The following KIAA0232 variants were observed in gnomAD, a reference collection of about 807,000 sequenced individuals.
The protein encoded by KIAA0232 is KIAA0232.
Under a neutral mutation model 122.0 loss-of-function variants are expected in KIAA0232, and 27 were observed. That is an observed-to-expected ratio of 0.22 (90% confidence interval 0.16 to 0.31). KIAA0232 has a LOEUF of 0.31. Among genes scored for constraint, KIAA0232 ranks in the 10% least tolerant of loss-of-function variants. KIAA0232 has a pLI of 1.00. For missense variants in KIAA0232, 1,551 were observed against 1,634.2 expected (o/e 0.95, Z 0.88); for synonymous variants, 613 against 587.6 (o/e 1.04, Z -0.63).
chr4:6,861,289 CAG>C lies in KIAA0232; in HGVS notation c.908_909del (p.Gln303ArgfsTer11), dbSNP rs1720843962. ...SEAGSSSSGNQGELKASMKYV... is the reference protein window; with the variant it reads ...SEAGSSSSGNXGELKASMKYV... ...AGCAGGCTCAAGTTCCAGTGGGAAT[CAG>C]GGAGAATTAAAAGCATCCATGAAGT... is the stretch of plus-strand genomic sequence containing the variant. On this transcript the variant is annotated frameshift_variant, in exon 7 of 10. Coordinates refer to ENST00000307659, the MANE Select transcript of KIAA0232 (RefSeq NM_014743.3). LOFTEE classifies it high-confidence loss of function. 1 of 1,614,124 alleles carries C rather than the reference CAG, an allele frequency of 6.2e-7. No homozygotes were observed. Among genetic ancestry groups the C allele is most frequent in the Non-Finnish European group, 8.5e-7 (1 of 1,180,028 alleles).
At chr4:6,864,951 T>C (rs1403828394) in intron 7 of KIAA0232, among the ~76,000 whole-genome samples, 1 of 152,144 alleles carries the variant, frequency 6.6e-6, no homozygotes. Context: ...CAAAAATACA[T>C]TGTGGTACAT....
At chr4:6,838,339 C>T (rs1241207988) in intron 3 of KIAA0232, among the ~76,000 whole-genome samples, 8 of 152,092 alleles carry the variant, frequency 5.3e-5, no homozygotes, top group African/African-American at 1.9e-4. Context: ...CAGGTGGACA[C>T]CACCATGCCC....
At chr4:6,825,572 CGAGAGAGA>C (rs111362007) in intron 3 of KIAA0232, among the ~76,000 whole-genome samples, 2 of 147,186 alleles carry the variant, frequency 1.4e-5, no homozygotes, top group East Asian at 2.0e-4. Flanking sequence ...CACGCATACA[CGAGAGAGA>C]GAGAGAGAGA....
chr4:6,876,096 G>A (rs1721734266), intron 8 of KIAA0232, among the ~76,000 whole-genome samples: 1 of 152,134 alleles, frequency 6.6e-6, no homozygotes, highest in East Asian at 1.9e-4. Flanking sequence ...GGGGCCATTT[G>A]CCTGATGGAA....
At chr4:6,868,032 G>A (rs1721277003) in intron 7 of KIAA0232, among the ~76,000 whole-genome samples, 1 of 152,086 alleles carries the variant, frequency 6.6e-6, no homozygotes, top group African/African-American at 2.4e-5. Context: ...GCTTTTCCTG[G>A]TGTGACCCAA....
chr4:6,866,297 C>T (rs564298891), intron 7 of KIAA0232: 2 of 938,770 alleles, frequency 2.1e-6, no homozygotes, highest in South Asian at 4.9e-5. Flanking sequence ...ATCAGAATTC[C>T]GGGTTTCCTT....
chr4:6,836,326 TTTTTG>T (rs998020723), intron 3 of KIAA0232, among the ~76,000 whole-genome samples: 2 of 151,670 alleles, frequency 1.3e-5, no homozygotes, highest in African/African-American at 4.8e-5. Context: ...GTTTGTTTGT[TTTTTG>T]TTTTGTTTTT....
chr4:6,784,061 C>G (rs1458990145), intron 1 of KIAA0232, among the ~76,000 whole-genome samples: 1 of 151,944 alleles, frequency 6.6e-6, no homozygotes, highest in Non-Finnish European at 1.5e-5. Context: ...GCCACCTTTC[C>G]GTTTTTGTCC....
chr4:6,808,255 TC>T (rs1717724596), intron 2 of KIAA0232, among the ~76,000 whole-genome samples: 1 of 151,882 alleles, frequency 6.6e-6, no homozygotes, highest in African/African-American at 2.4e-5. Context: ...CTATATTCTT[TC>T]TTTTACTTTA....
chr4:6,803,204 CATATATATAT>C (rs34234535), intron 1 of KIAA0232, among the ~76,000 whole-genome samples: 13 of 141,568 alleles, frequency 9.2e-5, no homozygotes, highest in African/African-American at 3.4e-4. Flanking sequence ...AAAATGAGTG[CATATATATAT>C]ATATATATAT....
intron 3 of KIAA0232, among the ~76,000 whole-genome samples, chr4:6,826,475 A>T (rs114125427): frequency 6.6e-6 from 1 of 150,722 alleles, no homozygotes; most frequent in Non-Finnish European, 1.5e-5. Context: ...TATGTACTTT[A>T]TTGTAAGCAT....
At position 6,861,937 on chromosome 4, in the gene KIAA0232, T is replaced by C. The variant is rs1227375896; in HGVS notation, c.1555T>C (p.Leu519=). ...FYEVDIDQSM[L]DPGASETMQG... is the part of the protein sequence containing the mutation. ...TGAAGTGGATATTGATCAATCCATGTTGGATCCTGGTGCCTCAGAAACAAT... is the reference window on the plus strand; with the variant it reads ...TGAAGTGGATATTGATCAATCCATGCTGGATCCTGGTGCCTCAGAAACAAT... The change falls in exon 7 of 10, where the codon TTG becomes CTG. Residue 519 remains leucine (L), a synonymous_variant. Coordinates refer to ENST00000307659, the MANE Select transcript of KIAA0232 (RefSeq NM_014743.3). The C allele has an allele frequency of 1.9e-6, 3 of 1,613,948 alleles. No homozygotes were observed. The highest frequency in any genetic ancestry group is 2.2e-5 in the East Asian group (1 of 44,896).
intron 4 of KIAA0232, among the ~76,000 whole-genome samples, chr4:6,848,249 C>T (rs1039992615): frequency 6.6e-6 from 1 of 152,142 alleles, no homozygotes; most frequent in African/African-American, 2.4e-5. Flanking sequence ...TTTGTATATG[C>T]ATTATTTATA....
chr4:6,818,399 CAAAA>C (rs34255308), intron 2 of KIAA0232, among the ~76,000 whole-genome samples: 3 of 81,924 alleles, frequency 3.7e-5, no homozygotes, highest in African/African-American at 5.6e-5. Flanking sequence ...GACTCCGTCT[CAAAA>C]AAAAAAAAAA....
rs1044488808 is a variant in KIAA0232 at position 6,881,738 on chromosome 4, T to C, written c.*772T>C. 1 of 152,648 alleles carries C rather than the reference T, an allele frequency of 6.6e-6. No individual in the cohort carries two copies. Among genetic ancestry groups the C allele is most frequent in the Non-Finnish European group, 1.5e-5 (1 of 68,042 alleles). The allele number at this position is 152,648 out of a possible 1,614,324, so 9.5% of individuals were successfully genotyped here. On this transcript the variant is annotated 3_prime_UTR_variant, in exon 10 of 10. Coordinates refer to ENST00000307659, the MANE Select transcript of KIAA0232 (RefSeq NM_014743.3). ...CAGTTACATTTACACCAAAACCCCATGCAGGGTTCTTTGTGGTGAGTGTTC... is the reference window on the plus strand; with the variant it reads ...CAGTTACATTTACACCAAAACCCCACGCAGGGTTCTTTGTGGTGAGTGTTC...
chr4:6,824,114 T>C (rs1490063532), intron 2 of KIAA0232, 71 bp from the exon 3 acceptor site: 1 of 417,752 alleles, frequency 2.4e-6, no homozygotes, highest in Admixed American at 3.9e-5. Context: ...ATTTGATTTT[T>C]TTTCCTCAAA....
chr4:6,784,441 G>T (rs1248795263), intron 1 of KIAA0232, among the ~76,000 whole-genome samples: 1 of 152,046 alleles, frequency 6.6e-6, no homozygotes, highest in East Asian at 1.9e-4. Context: ...AGGGCGGGGG[G>T]GGAGGAGGAG....
At chr4:6,839,848 G>A (rs1719551361) in intron 3 of KIAA0232, among the ~76,000 whole-genome samples, 1 of 152,154 alleles carries the variant, frequency 6.6e-6, no homozygotes, top group South Asian at 2.1e-4. Context: ...TCATCACTGT[G>A]GGCTGAAGAC....
chr4:6,862,796 T>G lies in KIAA0232; in HGVS notation c.2414T>G (p.Phe805Cys). 6.2e-7 allele frequency: 1 copy of G among 1,614,064 alleles called. No individual in the cohort carries two copies. The highest frequency in any genetic ancestry group is 8.5e-7 in the Non-Finnish European group (1 of 1,180,020). ...GAACAAAAAACAGAAAACAAAAATTTTGAAACTACACAAGTATGTAATGAA... is the reference window on the plus strand; with the variant it reads ...GAACAAAAAACAGAAAACAAAAATTGTGAAACTACACAAGTATGTAATGAA... Reference protein sequence around the residue: ...QLEQKTENKNFETTQVCNESP... With the variant: ...QLEQKTENKNCETTQVCNESP... The change falls in exon 7 of 10, where the codon TTT (phenylalanine) becomes TGT (cysteine). Residue 805 changes from phenylalanine (F) to cysteine (C), a missense_variant. Physicochemically the swap from Phe to Cys is radical, Grantham distance 205. Around this residue, in one of 5 missense-constraint regions of KIAA0232, gnomAD observed 1,108 missense variants for 1,154.8 expected, o/e 0.96. Coordinates refer to ENST00000307659, the MANE Select transcript of KIAA0232 (RefSeq NM_014743.3).
Sources: allele counts gnomAD v4.1 joint callset (sites outside exome capture counted in the v4.1 genomes callset), GRCh38; gene constraint gnomAD v4.1.1; regional missense constraint gnomAD v4.1.1; transcripts MANE v1.5; gene names NCBI Gene and HGNC (gene_info 2026-07-23, HGNC 2026-07-21).